PLD4: variants seen among roughly 807,000 people sequenced by gnomAD.
PLD4 encodes phospholipase D family member 4.
In PLD4, 54 loss-of-function variants were observed where a neutral mutation model predicts 52.3. The ratio of observed to expected loss-of-function variants is 1.03; its 90% CI spans 0.83 to 1.30. The LOEUF (loss-of-function observed/expected upper bound fraction) is 1.30. PLD4 is among the 50% of genes most tolerant of loss of function. The pLI is 0.00. For missense variants in PLD4, 731 were observed against 671.1 expected (o/e 1.09, Z -0.99); for synonymous variants, 264 against 286.5 (o/e 0.92, Z 0.79).
chr14:104,925,898 G>A (rs1316108718), intron 1 of PLD4, among the ~76,000 whole-genome samples: 1 of 152,038 alleles, frequency 6.6e-6, no homozygotes, highest in African/African-American at 2.4e-5. Context: ...CCCCACACTT[G>A]GTTTATGCTC....
rs371407525 is a variant in PLD4, at chr14:104,929,098, G to C, written c.468+166G>C. On this transcript the variant is annotated intron_variant, in intron 4 of 10. Transcript: ENST00000392593. ...CTCCTTTGGGGGCTCTAACAGCAGA[G>C]GTGTCAAGGAGCTGGGCCTCTGGGT... is the stretch of plus-strand genomic sequence containing the variant. 1.5e-4 allele frequency: 174 copies of C among 1,180,270 alleles called. No individual in the cohort carries two copies. The African/African-American group carries it at 2.5e-3, about 17-fold the overall frequency. The allele number at this position is 1,180,270 out of a possible 1,614,324, so 73.1% of individuals were successfully genotyped here.
At chr14:104,928,196 C>T (rs962515355) in intron 3 of PLD4, among the ~76,000 whole-genome samples, 2 of 152,140 alleles carry the variant, frequency 1.3e-5, no homozygotes, top group Non-Finnish European at 2.9e-5. Context: ...CCTTCCCTCC[C>T]ACCCTTCTTT....
rs745985057 is a variant in PLD4, at chr14:104,928,922, C to T, written c.458C>T (p.Ser153Phe). The T allele has an allele frequency of 3.0e-5, 48 of 1,599,480 alleles. No individual in the cohort carries two copies. The highest frequency in any genetic ancestry group is 1.7e-4 in the Middle Eastern group (1 of 6,018). ...CCTGACATCGGGGTCAACGACTCGT[C>T]TTCCCAGCTGGTGCGCCCCGCCCTG... is the stretch of plus-strand genomic sequence containing the variant. ...TGPDIGVNDS[S>F]SQLGEALLQK... The change falls in exon 4 of 11, where the codon TCT (serine) becomes TTT (phenylalanine). Residue 153 changes from serine (S) to phenylalanine (F), a missense_variant. Transcript: ENST00000392593.
At chr14:104,928,640 G>A (rs1004206671) in intron 3 of PLD4, 109 bp from the exon 4 acceptor site, 34 of 1,192,150 alleles carry the variant, frequency 2.9e-5, no homozygotes, top group Non-Finnish European at 3.9e-5. Flanking sequence ...CATCCCGGGG[G>A]CCACCTGAGC....
rs962139601 is a variant in PLD4 at position 104,927,854 on chromosome 14, G to A, written c.272G>A (p.Arg91Lys). The stretch of plus-strand genomic sequence containing the variant: ...CTGGAAGCAGAGGCCAGGCAGCAGA[G>A]GGACTCCTGCCAGTAAGTGAGCCCA... ...EPLEAEARQQ[R>K]DSCQLVLVES... The change falls in exon 3 of 11, where the codon AGG (arginine) becomes AAG (lysine). Residue 91 changes from arginine (R) to lysine (K), a missense_variant. Transcript: ENST00000392593. 4.4e-6 allele frequency: 7 copies of A among 1,575,698 alleles called. No homozygotes were observed. The highest frequency in any genetic ancestry group is 4.0e-5 in the African/African-American group (3 of 74,566).
At chr14:104,935,520 A>AC (rs1450908658), downstream of PLD4, 1 of 152,054 alleles carries the variant, frequency 6.6e-6, no homozygotes, top group African/African-American at 2.4e-5. Flanking sequence ...GGCTCCCTTG[A>AC]CCCCCACCTG....
Position 104,927,219 on chromosome 14 carries a change from G to C in PLD4, c.79G>C (p.Glu27Gln), listed in dbSNP as rs2841280. 705,482 of 1,549,494 alleles carry C rather than the reference G, an allele frequency of 0.46. 164,635 individuals are homozygous for C. Among genetic ancestry groups the C allele is most frequent in the East Asian group, 0.6 (24,746 of 41,318 alleles). Residue 27 changes from glutamate to glutamine, a missense_variant, in exon 2 of 11, where the codon GAG becomes CAG. Physicochemically the swap from Glu to Gln is conservative, Grantham distance 29. Coordinates refer to ENST00000392593, the MANE Select transcript of PLD4 (RefSeq NM_138790.5). ...SMPPRRPWDR[E>Q]AGTLQVLGAL... is the part of the protein sequence containing the mutation. Reference sequence around the variant, plus strand: ...GCCGCCCCGCCGCCCGTGGGACAGAGAGGCTGGCACGGTAGGACTGGGGGG... The same window carrying C: ...GCCGCCCCGCCGCCCGTGGGACAGACAGGCTGGCACGGTAGGACTGGGGGG...
At chr14:104,931,036 C>G in intron 7 of PLD4, 94 bp downstream of exon 7, 1 of 1,406,594 alleles carries the variant, frequency 7.1e-7, no homozygotes, top group Non-Finnish European at 9.9e-7. Context: ...CCTGCAGACA[C>G]CAGCAGCATC....
chr14:104,928,865 A>G lies in PLD4; in HGVS notation c.401A>G (p.His134Arg). The G allele has an allele frequency of 1.2e-6, 2 of 1,612,282 alleles. No homozygotes were observed. Among genetic ancestry groups the G allele is most frequent in the Non-Finnish European group, 1.7e-6 (2 of 1,179,380 alleles). ...QLLDTAQESVHVASYYWSLTG... is the reference protein window; with the variant it reads ...QLLDTAQESVRVASYYWSLTG... ...CTGGACACTGCCCAGGAGAGCGTCC[A>G]CGTGGCTTCATACTACTGGTCCCTC... Residue 134 changes from histidine (H) to arginine (R), a missense_variant, in exon 4 of 11, where the codon CAC becomes CGC. Coordinates refer to ENST00000392593, the MANE Select transcript of PLD4 (RefSeq NM_138790.5).
Position 104,933,138 on chromosome 14 carries a change from C to T in PLD4, c.*174C>T, listed in dbSNP as rs1230859379. On this transcript the variant is annotated 3_prime_UTR_variant, in exon 11 of 11. Coordinates refer to ENST00000392593, the MANE Select transcript of PLD4 (RefSeq NM_138790.5). ...CCGCCTGCTCTCTGATTTCCGAGTC[C>T]AGCCCCCCCTGAGCCCCACCTCCTC... 4 of 715,114 alleles carry T rather than the reference C, an allele frequency of 5.6e-6. No homozygotes were observed. The highest frequency in any genetic ancestry group is 8.6e-6 in the Non-Finnish European group (4 of 463,348). The allele number at this position is 715,114 out of a possible 1,614,324, so 44.3% of individuals were successfully genotyped here.
rs1278748784 is a variant in PLD4 at position 104,932,465 on chromosome 14, T to C, written c.1321+110T>C. ...CACCTCAGGAGGGAGGGGCTGCTGC[T>C]GAAGGGGGACGGGGTCTCCATGGAG... On this transcript the variant is annotated intron_variant, in intron 10 of 10. Coordinates refer to ENST00000392593, the MANE Select transcript of PLD4 (RefSeq NM_138790.5). The surrounding 1 kb of genome is among the most constrained non-coding windows in gnomAD (Gnocchi z 6.5). 2.4e-6 allele frequency: 3 copies of C among 1,233,026 alleles called. No individual in the cohort carries two copies. Among genetic ancestry groups the C allele is most frequent in the Non-Finnish European group, 2.3e-6 (2 of 870,438 alleles). The allele number at this position is 1,233,026 out of a possible 1,614,324, so 76.4% of individuals were successfully genotyped here.
In PLD4 at chr14:104,932,475, C is replaced by A; in HGVS notation, c.1321+120C>A. On this transcript the variant is annotated intron_variant, in intron 10 of 10. Transcript: ENST00000392593. The surrounding 1 kb of genome is among the most constrained non-coding windows in gnomAD (Gnocchi z 6.5). ...GGGAGGGGCTGCTGCTGAAGGGGGACGGGGTCTCCATGGAGTTCCGGGGAC... is the reference window on the plus strand; with the variant it reads ...GGGAGGGGCTGCTGCTGAAGGGGGAAGGGGTCTCCATGGAGTTCCGGGGAC... 2 of 1,162,316 alleles carry A rather than the reference C, an allele frequency of 1.7e-6. No individual in the cohort carries two copies. Among genetic ancestry groups the A allele is most frequent in the Non-Finnish European group, 1.2e-6 (1 of 816,524 alleles). 72.0% of individuals were successfully genotyped at this position (1,162,316 alleles called of 1,614,324 possible).
intron 4 of PLD4, 160 bp from the exon 5 acceptor site, chr14:104,929,147 G>A: frequency 7.9e-7 from 1 of 1,261,656 alleles, no homozygotes; most frequent in South Asian, 1.5e-5. Context: ...GACTGTGCCT[G>A]GTGCAGTTTG....
chr14:104,931,031 A>G, intron 7 of PLD4, 89 bp downstream of exon 7: 1 of 1,432,228 alleles, frequency 7.0e-7, no homozygotes, highest in Non-Finnish European at 9.7e-7. Flanking sequence ...CTGGCCCTGC[A>G]GACACCAGCA....
chr14:104,927,989 A>T, intron 3 of PLD4, 123 bp downstream of exon 3: 1 of 1,153,580 alleles, frequency 8.7e-7, no homozygotes, highest in Non-Finnish European at 1.2e-6. Flanking sequence ...AGGAAGGTGC[A>T]GGTCACCAGG....
At chr14:104,931,613 C>T in intron 7 of PLD4, 135 bp from the exon 8 acceptor site, 1 of 1,261,284 alleles carries the variant, frequency 7.9e-7, no homozygotes, top group Admixed American at 2.8e-5. Flanking sequence ...CCGACCCCTT[C>T]TTTCCTCATA....
downstream of PLD4, chr14:104,936,178 CCTT>C (rs1362013551): frequency 6.6e-6 from 1 of 152,220 alleles, no homozygotes; most frequent in Non-Finnish European, 1.5e-5. Flanking sequence ...CTATCCCAGG[CCTT>C]GACTCTTGGA....
rs552124233 is a variant in PLD4, at chr14:104,927,689, C to T, written c.107C>T (p.Ala36Val). ...REAGTLQVLG[A>V]LAVLWLGSVA... Reference sequence around the variant, plus strand: ...CCCATCCAGTTGCAGGTCCTGGGAGCGCTGGCTGTGCTGTGGCTGGGCTCC... The same window carrying T: ...CCCATCCAGTTGCAGGTCCTGGGAGTGCTGGCTGTGCTGTGGCTGGGCTCC... The change falls in exon 3 of 11, where the codon GCG (alanine) becomes GTG (valine). Residue 36 changes from alanine (A) to valine (V), a missense_variant. Coordinates refer to ENST00000392593, the MANE Select transcript of PLD4 (RefSeq NM_138790.5). The T allele has an allele frequency of 1.4e-5, 22 of 1,596,430 alleles. No individual in the cohort carries two copies. Among genetic ancestry groups the T allele is most frequent in the South Asian group, 3.4e-5 (3 of 88,922 alleles).
chr14:104,932,185 C>A lies in PLD4; in HGVS notation c.1224+8C>A, dbSNP rs745541259. On this transcript the variant is annotated splice_region_variant and intron_variant, in intron 9 of 10. Transcript: ENST00000392593. The surrounding 1 kb of genome is among the most constrained non-coding windows in gnomAD (Gnocchi z 6.5). The stretch of plus-strand genomic sequence containing the variant: ...AACGTCTCTGTGGACGTGGTGAGGG[C>A]GTGCTCCCGGCCGGGCGTGGGAAAG... The A allele has an allele frequency of 1.7e-5, 28 of 1,611,420 alleles. No homozygotes were observed. The highest frequency in any genetic ancestry group is 2.1e-5 in the Non-Finnish European group (25 of 1,179,278).
Sources: gnomAD v4.1 joint callset for allele counts (sites outside exome capture counted in the v4.1 genomes callset) on GRCh38, gnomAD v4.1.1 for gene constraint, Gnocchi (gnomAD v3.1) non-coding constraint, MANE v1.5 for transcripts, NCBI Gene and HGNC (gene_info 2026-07-23, HGNC 2026-07-21) for gene names.